The following IARS2 variants were observed in gnomAD, a reference collection of about 807,000 sequenced individuals.
The protein encoded by IARS2 is isoleucyl-tRNA synthetase 2, mitochondrial.
Under a neutral mutation model 126.3 loss-of-function variants are expected in IARS2, and 56 were observed. That is an observed-to-expected ratio of 0.44 (90% confidence interval 0.36 to 0.55). IARS2 has a LOEUF of 0.55. Among genes scored for constraint, IARS2 ranks in the 20% least tolerant of loss-of-function variants. The probability of loss-of-function intolerance (pLI) is 0.00; values close to 1 mark genes in which losing one functional copy is unlikely to be tolerated. For synonymous variants in IARS2, 407 were observed against 441.1 expected, an observed-to-expected ratio of 0.92 and a Z score of 0.97; for missense variants, 1,127 against 1,245.9, an observed-to-expected ratio of 0.90 and a Z score of 1.44.
intron 22 of IARS2, among the ~76,000 whole-genome samples, chr1:220,145,910 T>C (rs1657577404): frequency 6.6e-6 from 1 of 152,148 alleles, no homozygotes; most frequent in Admixed American, 6.5e-5. Context: ...TAAATAATGG[T>C]CACTGTATAT....
Position 220,114,336 on chromosome 1 carries a change from T to C in IARS2, c.1502T>C (p.Phe501Ser). The C allele has an allele frequency of 6.2e-7, 1 of 1,613,928 alleles. No homozygotes were observed. Among genetic ancestry groups the C allele is most frequent in the South Asian group, 1.1e-5 (1 of 91,080 alleles). Residue 501 changes from phenylalanine (F) to serine (S), a missense_variant, in exon 12 of 23, where the codon TTT (phenylalanine) becomes TCT (serine). Physicochemically the swap from Phe to Ser is radical, Grantham distance 155. Transcript: ENST00000366922. ...CAGGAATTGTTAAAAAAGGTGAAAT[T>C]TATTCCTGGATCAGCACTGAATGGC... ...AAKELLKKVK[F>S]IPGSALNGMV...
In IARS2 at chr1:220,126,856, AATAG is replaced by A; in HGVS notation, c.1837+17_1837+20del. 6.4e-7 allele frequency: 1 copy of A among 1,565,256 alleles called. No homozygotes were observed. The highest frequency in any genetic ancestry group is 8.8e-7 in the Non-Finnish European group (1 of 1,142,770). ...TATGTTCTTCCAGGTAATTCTTAAA[AATAG>A]ATATATGCCGATCAAGAAGTTTTGA... On this transcript the variant is annotated intron_variant, in intron 14 of 22. Coordinates refer to ENST00000366922, the MANE Select transcript of IARS2 (RefSeq NM_018060.4).
At chr1:220,144,210 A>G in intron 21 of IARS2, 1 of 776,242 alleles carries the variant, frequency 1.3e-6, no homozygotes, top group Non-Finnish European at 2.3e-6. Context: ...CAAATTTGCC[A>G]ATGTAACCAT....
chr1:220,143,877 A>G (rs1390085375), intron 21 of IARS2: 1 of 690,312 alleles, frequency 1.4e-6, no homozygotes, highest in Non-Finnish European at 2.5e-6. Flanking sequence ...TCTCCAGTCT[A>G]AATGCTTAAG....
intron 12 of IARS2, 82 bp from the exon 13 acceptor site, chr1:220,125,155 A>G (rs1264651466): frequency 5.2e-6 from 4 of 766,380 alleles, no homozygotes; most frequent in East Asian, 2.7e-5. Context: ...AGGAAAATAA[A>G]TCACTATTTC....
intron 15 of IARS2, among the ~76,000 whole-genome samples, chr1:220,135,535 C>G (rs1295280587): frequency 6.6e-6 from 1 of 151,868 alleles, no homozygotes. Context: ...AATTTTTGTA[C>G]TTTTAATAGA....
intron 3 of IARS2, among the ~76,000 whole-genome samples, 154 bp from the exon 4 acceptor site, chr1:220,101,975 C>T (rs1312749035): frequency 6.6e-6 from 1 of 152,210 alleles, no homozygotes; most frequent in Non-Finnish European, 1.5e-5. Flanking sequence ...CGCGCCACTG[C>T]ACTCTAGCCT....
At chr1:220,134,374 T>A (rs770158513) in intron 14 of IARS2, 28 bp from the exon 15 acceptor site, 2 of 1,478,122 alleles carry the variant, frequency 1.4e-6, no homozygotes, top group East Asian at 4.7e-5. Flanking sequence ...TTTCTGGGTT[T>A]TTTTTTCTTT....
intron 19 of IARS2, among the ~76,000 whole-genome samples, chr1:220,140,885 G>A (rs1048072340): frequency 1.3e-5 from 2 of 151,418 alleles, no homozygotes; most frequent in African/African-American, 2.4e-5. Context: ...TTGGGAGGCT[G>A]AGGCAGGAGA....
chr1:220,125,768 A>C (rs568491872), intron 13 of IARS2, among the ~76,000 whole-genome samples: 20 of 151,964 alleles, frequency 1.3e-4, no homozygotes, highest in Non-Finnish European at 1.0e-4. Flanking sequence ...GCACCACTAC[A>C]CTGCAGCCTG....
At chr1:220,100,978 C>G (rs575215935) in intron 3 of IARS2, among the ~76,000 whole-genome samples, 20 of 152,106 alleles carry the variant, frequency 1.3e-4, no homozygotes, top group South Asian at 2.1e-4. Flanking sequence ...AGGTGTTAAG[C>G]CAAAATTCAA....
At chr1:220,142,917 C>G in intron 20 of IARS2, 27 bp from the exon 21 acceptor site, 2 of 1,525,186 alleles carry the variant, frequency 1.3e-6, no homozygotes, top group Non-Finnish European at 1.8e-6. Context: ...GTTTGTAAAG[C>G]AGTTTACTAT....
chr1:220,095,188 A>G (rs1656412306), intron 1 of IARS2, among the ~76,000 whole-genome samples: 1 of 152,082 alleles, frequency 6.6e-6, no homozygotes, highest in Non-Finnish European at 1.5e-5. Flanking sequence ...ACAGGTGCGC[A>G]CCACCACGCC....
At chr1:220,126,207 G>A (rs1201495909) in intron 13 of IARS2, among the ~76,000 whole-genome samples, 2 of 152,172 alleles carry the variant, frequency 1.3e-5, no homozygotes, top group East Asian at 1.9e-4. Flanking sequence ...CCCAGGAGAC[G>A]GAGGTTGCAG....
At position 220,141,897 on chromosome 1, in the gene IARS2, A is replaced by G. The variant is rs1291378736; in HGVS notation, c.2509A>G (p.Ile837Val). 1 of 1,614,032 alleles carries G rather than the reference A, an allele frequency of 6.2e-7. No homozygotes were observed. The highest frequency in any genetic ancestry group is 1.7e-5 in the Admixed American group (1 of 60,006). ...LDVIVRSFAPILPHLAEEVFQ... is the reference protein window; with the variant it reads ...LDVIVRSFAPVLPHLAEEVFQ... Reference sequence around the variant, plus strand: ...TGTAATAGTTCGTTCTTTTGCTCCCATTCTTCCTCACCTGGCTGAAGAGGT... The same window carrying G: ...TGTAATAGTTCGTTCTTTTGCTCCCGTTCTTCCTCACCTGGCTGAAGAGGT... The change falls in exon 20 of 23, where the codon ATT becomes GTT. Residue 837 changes from isoleucine (I) to valine (V), a missense_variant. Coordinates refer to ENST00000366922, the MANE Select transcript of IARS2 (RefSeq NM_018060.4).
At chr1:220,132,110 G>A (rs1657282607) in intron 14 of IARS2, among the ~76,000 whole-genome samples, 1 of 152,088 alleles carries the variant, frequency 6.6e-6, no homozygotes, top group Non-Finnish European at 1.5e-5. Context: ...GAGGATTTTT[G>A]TGTCTTTGTT....
Position 220,107,133 on chromosome 1 carries a change from G to A in IARS2, c.1309G>A (p.Glu437Lys), listed in dbSNP as rs771649223. The A allele has an allele frequency of 2.5e-6, 4 of 1,612,644 alleles. No homozygotes were observed. Among genetic ancestry groups the A allele is most frequent in the Non-Finnish European group, 3.4e-6 (4 of 1,178,788 alleles). The change falls in exon 10 of 23, where the codon GAA becomes AAA. Residue 437 changes from glutamate to lysine, a missense_variant. By Grantham distance (56) the Glu-to-Lys change is moderately conservative (BLOSUM62 1). Coordinates refer to ENST00000366922, the MANE Select transcript of IARS2 (RefSeq NM_018060.4). ...GPELQNKAVL[E>K]EGTDVVIKML... ...TGAACTTCAAAACAAGGCTGTCCTT[G>A]AAGAGGGAACTGATGTGGGTGAGCA... is the stretch of plus-strand genomic sequence containing the variant.
At chr1:220,115,424 G>A (rs1656894957) in intron 12 of IARS2, among the ~76,000 whole-genome samples, 1 of 152,072 alleles carries the variant, frequency 6.6e-6, no homozygotes. Context: ...AGCCAGGCAT[G>A]GTGGCGCGGG....
At chr1:220,108,882 T>A (rs917991297) in intron 10 of IARS2, among the ~76,000 whole-genome samples, 18 of 147,816 alleles carry the variant, frequency 1.2e-4, no homozygotes, top group Non-Finnish European at 1.9e-4. Flanking sequence ...TTTTTTTTTT[T>A]ATTGGAGGGA....
Sources: gnomAD v4.1 joint callset for allele counts (sites outside exome capture counted in the v4.1 genomes callset) on GRCh38, gnomAD v4.1.1 for gene constraint, MANE v1.5 for transcripts, NCBI Gene and HGNC (gene_info 2026-07-23, HGNC 2026-07-21) for gene names.